The following CCDC102B variants were observed in gnomAD, a reference collection of about 807,000 sequenced individuals.
CCDC102B encodes coiled-coil domain containing 102B, also known as coiled-coil domain-containing protein 102B.
In CCDC102B, 75 loss-of-function variants were observed where a neutral mutation model predicts 57.4. The observed-to-expected ratio is 1.31, with a 90% confidence interval of 1.08 to 1.58. The LOEUF (loss-of-function observed/expected upper bound fraction) is 1.58. Among genes scored for constraint, CCDC102B ranks in the 40% most tolerant of loss-of-function variants. The pLI is 0.00. For missense variants in CCDC102B, 636 were observed against 582.6 expected (o/e 1.09, Z -0.94); for synonymous variants, 206 against 201.9 (o/e 1.02, Z -0.17).
intron 2 of CCDC102B, among the ~76,000 whole-genome samples, chr18:68,783,125 T>C (rs2035064883): frequency 6.6e-6 from 1 of 152,182 alleles, no homozygotes; most frequent in African/African-American, 2.4e-5. Context: ...GTTCGCTTAT[T>C]TATCCAGCAG....
At chr18:68,748,828 A>G (rs1377280388) in intron 2 of CCDC102B, among the ~76,000 whole-genome samples, 1 of 152,198 alleles carries the variant, frequency 6.6e-6, no homozygotes, top group African/African-American at 2.4e-5. Flanking sequence ...ATAACCCAGA[A>G]TAGTGGATTT....
At chr18:68,817,686 A>C (rs2036537864) in intron 1 of CCDC102B, among the ~76,000 whole-genome samples, 1 of 152,184 alleles carries the variant, frequency 6.6e-6, no homozygotes, top group Non-Finnish European at 1.5e-5. Context: ...TGTTAAGCAA[A>C]TGTTCTTAGT....
chr18:68,965,557 A>C (rs1029552919), intron 6 of CCDC102B, among the ~76,000 whole-genome samples: 3 of 151,562 alleles, frequency 2.0e-5, no homozygotes, highest in African/African-American at 7.3e-5. Flanking sequence ...ACATGTATAC[A>C]TATGCAACAA....
chr18:68,791,068 G>A (rs1194896040), intron 2 of CCDC102B, among the ~76,000 whole-genome samples: 1 of 152,184 alleles, frequency 6.6e-6, no homozygotes, highest in African/African-American at 2.4e-5. Context: ...TAATCCGTAT[G>A]CCTTAGCAAG....
chr18:69,040,233 A>G (rs78211725), intron 7 of CCDC102B, among the ~76,000 whole-genome samples: 4,498 of 152,058 alleles, frequency 0.03, 140 homozygotes, highest in East Asian at 0.16. Flanking sequence ...GGCATTATCC[A>G]TTTCATTATC....
intron 6 of CCDC102B, among the ~76,000 whole-genome samples, chr18:69,002,974 G>A (rs181273075): frequency 1.9e-3 from 287 of 152,076 alleles, no homozygotes; most frequent in African/African-American, 6.6e-3. Context: ...CTTCTCCCTC[G>A]AGTAAGTCAA....
chr18:68,872,417 T>G (rs1388569154), intron 4 of CCDC102B, among the ~76,000 whole-genome samples: 1 of 152,176 alleles, frequency 6.6e-6, no homozygotes, highest in East Asian at 1.9e-4. Context: ...ATAAATTTTT[T>G]TCTTTATGTA....
Position 68,800,264 on chromosome 18 carries a change from T to G in CCDC102B, c.-16+2083T>G, listed in dbSNP as rs528440674. Among the ~76,000 whole-genome samples the G allele has an allele frequency of 3.9e-5, 6 of 152,240 alleles. 1 individual carries two copies. The South Asian group carries it at 1.2e-3, about 32-fold the overall frequency. On this transcript the variant is annotated intron_variant, in intron 1 of 7. Transcript: ENST00000360242. The stretch of plus-strand genomic sequence containing the variant: ...CTATTTCCACGATGTTGTGCTGGTA[T>G]TCTAGGAATGTGAATCTGGCAGAAG...
chr18:69,036,598 C>T (rs1388898461), intron 7 of CCDC102B, among the ~76,000 whole-genome samples: 2 of 152,052 alleles, frequency 1.3e-5, no homozygotes, highest in Non-Finnish European at 2.9e-5. Flanking sequence ...TTTAGCCTAA[C>T]CAGCATTCAT....
intron 6 of CCDC102B, among the ~76,000 whole-genome samples, chr18:68,948,256 A>G (rs1241216173): frequency 1.3e-5 from 2 of 152,094 alleles, no homozygotes; most frequent in Non-Finnish European, 1.5e-5. Flanking sequence ...TTGTCGATGT[A>G]CAGGGTAATT....
chr18:68,777,027 T>C (rs919602940), intron 2 of CCDC102B, among the ~76,000 whole-genome samples: 3 of 152,174 alleles, frequency 2.0e-5, no homozygotes, highest in Non-Finnish European at 4.4e-5. Context: ...ATAGGAAATA[T>C]TTGTGATCTT....
At chr18:68,835,040 A>T (rs927018559) in intron 1 of CCDC102B, among the ~76,000 whole-genome samples, 4 of 152,182 alleles carry the variant, frequency 2.6e-5, no homozygotes, top group African/African-American at 9.6e-5. Context: ...ATATACAGCC[A>T]TGGAACTTTA....
intron 2 of CCDC102B, among the ~76,000 whole-genome samples, chr18:68,737,360 A>G (rs1043369849): frequency 5.3e-5 from 8 of 151,910 alleles, no homozygotes; most frequent in Non-Finnish European, 8.8e-5. Context: ...GATAGCTCCC[A>G]CTGCAGGCTT....
chr18:68,884,978 T>A (rs1261428690), intron 5 of CCDC102B, among the ~76,000 whole-genome samples: 1 of 151,968 alleles, frequency 6.6e-6, no homozygotes, highest in East Asian at 1.9e-4. Context: ...TATAACATCA[T>A]GTGGCATACC....
At chr18:68,834,963 G>A (rs1015840475) in intron 1 of CCDC102B, among the ~76,000 whole-genome samples, 2 of 151,894 alleles carry the variant, frequency 1.3e-5, no homozygotes, top group Non-Finnish European at 2.9e-5. Context: ...TTAATGTCAT[G>A]CACATAAAAT....
chr18:69,002,695 A>G (rs991124064), intron 6 of CCDC102B, among the ~76,000 whole-genome samples: 2 of 152,014 alleles, frequency 1.3e-5, no homozygotes, highest in Admixed American at 1.3e-4. Flanking sequence ...CTAGTTCTCT[A>G]TTAAGGTCAT....
In CCDC102B at chr18:68,899,940, A is replaced by G. The variant is rs973979711; in HGVS notation, c.1263+2512A>G. On this transcript the variant is annotated intron_variant, in intron 6 of 7. Transcript: ENST00000360242. ...ATCCCCATTGAGTAGTTGCTTTTAT[A>G]TACTATGTTTAAGGATATGTGTACA... 6 of 152,202 alleles carry G rather than the reference A, an allele frequency of 3.9e-5. No homozygotes were observed. The South Asian group carries it at 6.2e-4, about 16-fold the overall frequency. The allele number at this position is 152,202 out of a possible 1,614,324, so 9.4% of individuals were successfully genotyped here.
intron 6 of CCDC102B, among the ~76,000 whole-genome samples, chr18:68,984,538 C>G (rs529282207): frequency 1.3e-5 from 2 of 152,220 alleles, no homozygotes; most frequent in East Asian, 3.9e-4. Context: ...TATTTTTAAC[C>G]TATGCCATTT....
At chr18:68,867,881 C>T (rs1283438905) in intron 4 of CCDC102B, among the ~76,000 whole-genome samples, 1 of 151,902 alleles carries the variant, frequency 6.6e-6, no homozygotes, top group Non-Finnish European at 1.5e-5. Flanking sequence ...TTGCAGTGAG[C>T]CGAGGTCATG....
Sources: gnomAD v4.1 joint callset for allele counts (sites outside exome capture counted in the v4.1 genomes callset) on GRCh38, gnomAD v4.1.1 for gene constraint, MANE v1.5 for transcripts, NCBI Gene and HGNC (gene_info 2026-07-23, HGNC 2026-07-21) for gene names.